NRG3: variants seen among roughly 807,000 people sequenced by gnomAD.
NRG3 encodes the protein pro-neuregulin-3, membrane-bound isoform.
A neutral mutation model predicts 66.9 loss-of-function variants in NRG3; 31 were observed. The observed-to-expected ratio is 0.46, with a 90% CI of 0.35 to 0.63. The LOEUF is 0.63. NRG3 is among the 20% of genes least tolerant of loss of function. The probability of loss-of-function intolerance (pLI) is 0.00; values close to 1 mark genes in which losing one functional copy is unlikely to be tolerated. For synonymous variants in NRG3, 393 were observed against 359.4 expected, an observed-to-expected ratio of 1.09 and a Z score of -1.06; for missense variants, 910 against 878.9, an observed-to-expected ratio of 1.04 and a Z score of -0.45.
intron 2 of NRG3, among the ~76,000 whole-genome samples, chr10:82,719,114 TC>T (rs1475980413): frequency 1.3e-5 from 2 of 152,124 alleles, no homozygotes; most frequent in Non-Finnish European, 2.9e-5. Flanking sequence ...TAAATCACTC[TC>T]CCCAAAGTGC....
intron 3 of NRG3, among the ~76,000 whole-genome samples, chr10:82,786,092 A>C (rs1245463195): frequency 1.3e-5 from 2 of 152,302 alleles, no homozygotes; most frequent in East Asian, 3.9e-4. Flanking sequence ...CAGCAGAGCC[A>C]TAGGAGTGAG....
intron 1 of NRG3, among the ~76,000 whole-genome samples, chr10:82,192,611 C>G (rs1053720927): frequency 2.6e-5 from 4 of 152,172 alleles, no homozygotes; most frequent in Non-Finnish European, 5.9e-5. Context: ...CATCCCTGCT[C>G]TTGACTTCCT....
intron 3 of NRG3, among the ~76,000 whole-genome samples, chr10:82,785,331 G>C (rs529455868): frequency 6.6e-6 from 1 of 151,346 alleles, no homozygotes; most frequent in South Asian, 2.1e-4. Flanking sequence ...TTGTGCACGT[G>C]TACCCTAAAA....
chr10:82,333,317 A>T (rs2082231974), intron 1 of NRG3, among the ~76,000 whole-genome samples: 1 of 152,236 alleles, frequency 6.6e-6, no homozygotes, highest in Non-Finnish European at 1.5e-5. Context: ...TTCTACTAAG[A>T]ATAGCAGTAA....
chr10:82,010,149 A>G (rs2061521495), intron 1 of NRG3, among the ~76,000 whole-genome samples: 1 of 152,214 alleles, frequency 6.6e-6, no homozygotes, highest in Admixed American at 6.5e-5. Flanking sequence ...CCAATAAGTT[A>G]TGTTTAACCA....
At chr10:82,108,546 CCT>C (rs1262414283) in intron 1 of NRG3, among the ~76,000 whole-genome samples, 2 of 152,124 alleles carry the variant, frequency 1.3e-5, no homozygotes, top group Non-Finnish European at 2.9e-5. Flanking sequence ...AATTGACCTT[CCT>C]TTTTTGATAA....
intron 1 of NRG3, among the ~76,000 whole-genome samples, chr10:82,293,332 G>GAA (rs145110401): frequency 9.3e-5 from 14 of 150,922 alleles, no homozygotes; most frequent in African/African-American, 3.4e-4. Flanking sequence ...GCATTGTTCA[G>GAA]AAAAAAAAAT....
intron 2 of NRG3, among the ~76,000 whole-genome samples, chr10:82,603,994 A>T (rs1457640155): frequency 6.6e-6 from 1 of 152,184 alleles, no homozygotes; most frequent in Non-Finnish European, 1.5e-5. Context: ...CCTAACATTA[A>T]CAACTTGTAT....
intron 4 of NRG3, among the ~76,000 whole-genome samples, chr10:82,893,729 T>G (rs996031427): frequency 2.6e-5 from 4 of 152,092 alleles, no homozygotes; most frequent in African/African-American, 7.2e-5. Context: ...ATACTTCATA[T>G]TGAAATGTCT....
At chr10:82,860,841 C>T (rs1193514641) in intron 3 of NRG3, among the ~76,000 whole-genome samples, 1 of 152,162 alleles carries the variant, frequency 6.6e-6, no homozygotes, top group Non-Finnish European at 1.5e-5. Context: ...ACATAGTTTG[C>T]TGAGTGAATG....
At chr10:81,992,844 C>A (rs906406080) in intron 1 of NRG3, among the ~76,000 whole-genome samples, 33 of 152,102 alleles carry the variant, frequency 2.2e-4, no homozygotes, top group African/African-American at 7.7e-4. Flanking sequence ...TGCAAGATGC[C>A]CAAAGAATAA....
At chr10:82,984,477 C>T (rs1464268618) in intron 8 of NRG3, among the ~76,000 whole-genome samples, 1 of 152,172 alleles carries the variant, frequency 6.6e-6, no homozygotes, top group Non-Finnish European at 1.5e-5. Flanking sequence ...CTCCCATTCC[C>T]ACCGGCTGGC....
At chr10:82,343,894 T>C (rs1322635635) in intron 1 of NRG3, among the ~76,000 whole-genome samples, 1 of 152,164 alleles carries the variant, frequency 6.6e-6, no homozygotes, top group Non-Finnish European at 1.5e-5. Context: ...TTCTCTCTTA[T>C]GACCGTACAG....
chr10:82,739,382 T>C (rs968183329), intron 3 of NRG3, among the ~76,000 whole-genome samples: 1 of 152,248 alleles, frequency 6.6e-6, no homozygotes, highest in African/African-American at 2.4e-5. Flanking sequence ...AAATGGGGAT[T>C]TTCATTGAAT....
chr10:82,338,185 T>A (rs1416934780), intron 1 of NRG3, among the ~76,000 whole-genome samples: 2 of 152,222 alleles, frequency 1.3e-5, no homozygotes, highest in African/African-American at 4.8e-5. Context: ...GATGTCAATA[T>A]GATAGTAAAG....
intron 1 of NRG3, among the ~76,000 whole-genome samples, chr10:82,269,229 A>C (rs887715353): frequency 3.3e-5 from 5 of 152,066 alleles, no homozygotes; most frequent in African/African-American, 1.2e-4. Flanking sequence ...TTTAGCCTCT[A>C]ATAGGAGGTG....
chr10:82,674,975 T>A (rs201765857), intron 2 of NRG3, among the ~76,000 whole-genome samples: 1 of 98,276 alleles, frequency 1.0e-5, no homozygotes, highest in East Asian at 2.4e-4. Context: ...TTATTTATTT[T>A]TTGAGACGGA....
intron 1 of NRG3, among the ~76,000 whole-genome samples, chr10:82,189,991 A>T (rs1438202237): frequency 6.6e-6 from 1 of 151,940 alleles, no homozygotes; most frequent in Non-Finnish European, 1.5e-5. Context: ...AACAAAAAAA[A>T]CAGAGAAATT....
At chr10:82,479,646 A>T (rs1842080465) in intron 2 of NRG3, among the ~76,000 whole-genome samples, 1 of 135,476 alleles carries the variant, frequency 7.4e-6, no homozygotes, top group East Asian at 2.2e-4. Flanking sequence ...CATGGACAAC[A>T]AGAGCAAAAC....
Sources: gnomAD v4.1 joint callset for allele counts (sites outside exome capture counted in the v4.1 genomes callset) on GRCh38, gnomAD v4.1.1 for gene constraint, MANE v1.5 for transcripts, NCBI Gene and HGNC (gene_info 2026-07-23, HGNC 2026-07-21) for gene names.